FAM216B: variants seen among roughly 807,000 people sequenced by gnomAD.
The protein encoded by FAM216B is protein FAM216B.
In FAM216B, 11 loss-of-function variants were observed where a neutral mutation model predicts 12.9. The observed-to-expected ratio is 0.86, with a 90% CI of 0.54 to 1.42. FAM216B has a LOEUF of 1.42. Among genes scored for constraint, FAM216B ranks in the 40% most tolerant of loss-of-function variants. The pLI is 0.00. For synonymous variants in FAM216B, 52 were observed against 57.2 expected (o/e 0.91, Z 0.41); for missense variants, 167 against 162.9 (o/e 1.02, Z -0.14).
Position 42,789,920 on chromosome 13 carries a change from A to G in FAM216B, c.*1130A>G, listed in dbSNP as rs1156412508. 6.6e-6 allele frequency: 1 copy of G among 152,176 alleles called. No individual in the cohort carries two copies. Among genetic ancestry groups the G allele is most frequent in the Admixed American group, 6.6e-5 (1 of 15,266 alleles). 9.4% of individuals were successfully genotyped at this position (152,176 alleles called of 1,614,324 possible). A position where few individuals can be genotyped will look rare whatever the true frequency, so the allele number is the denominator to read the frequency against. On this transcript the variant is annotated 3_prime_UTR_variant, in exon 4 of 4. Coordinates refer to ENST00000313851, the MANE Select transcript of FAM216B (RefSeq NM_001318932.2). ...CATATAAGATATAAAAATTGTCATG[A>G]GATTCTGAACACTAGTATTGAGGTC...
At chr13:42,787,360 G>T (rs775316480) in intron 3 of FAM216B, among the ~76,000 whole-genome samples, 1 of 152,150 alleles carries the variant, frequency 6.6e-6, no homozygotes, top group African/African-American at 2.4e-5. Flanking sequence ...GGAAGCTCAG[G>T]CAGGTTATGT....
rs189280295 is a variant in FAM216B, at chr13:42,786,608, C to T, written c.100-155C>T. Among the ~76,000 whole-genome samples the T allele has an allele frequency of 6.0e-5, 9 of 150,976 alleles. No individual in the cohort carries two copies. In the East Asian group the frequency reaches 1.8e-3, roughly 30 times the overall value. On this transcript the variant is annotated intron_variant, in intron 2 of 3. Transcript: ENST00000313851. ...AAGCAAATGAAGAGAGGAAACTCCC[C>T]AGTTGTTATTTTCCAATTGTTGCAC...
At chr13:42,787,251 A>G (rs1874128131) in intron 3 of FAM216B, among the ~76,000 whole-genome samples, 1 of 152,230 alleles carries the variant, frequency 6.6e-6, no homozygotes, top group Non-Finnish European at 1.5e-5. Flanking sequence ...CACAACAATA[A>G]TAGTTACATT....
chr13:42,784,305 A>G, intron 2 of FAM216B, 139 bp downstream of exon 2: 2 of 591,982 alleles, frequency 3.4e-6, no homozygotes, highest in Admixed American at 3.3e-5. Flanking sequence ...CCCTTGCTGC[A>G]TGTTGAAGGC....
In FAM216B at chr13:42,784,097, G is replaced by T; in HGVS notation, c.30G>T (p.Lys10Asn). The T allele has an allele frequency of 1.9e-6, 3 of 1,601,400 alleles. No homozygotes were observed. The highest frequency in any genetic ancestry group is 2.6e-6 in the Non-Finnish European group (3 of 1,173,286). The change falls in exon 2 of 4, where the codon AAG becomes AAT. Residue 10 changes from lysine (K) to asparagine (N), a missense_variant. Coordinates refer to ENST00000313851, the MANE Select transcript of FAM216B (RefSeq NM_001318932.2). MGQNWKRQQ[K>N]LWNVPQLPFI... ...GACAAAACTGGAAAAGACAACAAAAGCTTTGGAATGTTCCACAACTTCCTT... is the reference window on the plus strand; with the variant it reads ...GACAAAACTGGAAAAGACAACAAAATCTTTGGAATGTTCCACAACTTCCTT...
chr13:42,788,104 G>A (rs942956955), intron 3 of FAM216B, among the ~76,000 whole-genome samples: 16 of 152,140 alleles, frequency 1.1e-4, no homozygotes, highest in African/African-American at 2.9e-4. Context: ...AATGCTTAGT[G>A]CACATAAAAT....
intron 1 of FAM216B, 56 bp from the exon 2 acceptor site, chr13:42,783,998 C>A: frequency 8.9e-7 from 1 of 1,117,406 alleles, no homozygotes. Context: ...TAAGTACATC[C>A]CCAAAATTGG....
chr13:42,789,824 C>T lies in FAM216B; in HGVS notation c.*1034C>T, dbSNP rs780175245. On this transcript the variant is annotated 3_prime_UTR_variant, in exon 4 of 4. Transcript: ENST00000313851. Reference sequence around the variant, plus strand: ...ATTTTATTGACAAGGGATGTGCTAACATTGATCTGAAAGGAATATGCTGCA... The same window carrying T: ...ATTTTATTGACAAGGGATGTGCTAATATTGATCTGAAAGGAATATGCTGCA... 2.6e-5 allele frequency: 4 copies of T among 152,098 alleles called. No individual in the cohort carries two copies. Among genetic ancestry groups the T allele is most frequent in the Non-Finnish European group, 5.9e-5 (4 of 68,028 alleles). 9.4% of individuals were successfully genotyped at this position (152,098 alleles called of 1,614,324 possible).
intron 1 of FAM216B, among the ~76,000 whole-genome samples, chr13:42,783,033 A>AGC (rs1427722887): frequency 6.6e-6 from 1 of 152,166 alleles, no homozygotes; most frequent in African/African-American, 2.4e-5. Flanking sequence ...AGTGAAGCTC[A>AGC]GCATGGTGCC....
At chr13:42,783,439 A>C (rs1873935544) in intron 1 of FAM216B, among the ~76,000 whole-genome samples, 1 of 148,168 alleles carries the variant, frequency 6.7e-6, no homozygotes, top group Non-Finnish European at 1.5e-5. Context: ...TGAATTCCAG[A>C]TTTTTTTTTT....
At chr13:42,786,982 C>A (rs1874117605) in intron 3 of FAM216B, 99 bp downstream of exon 3, 2 of 1,526,692 alleles carry the variant, frequency 1.3e-6, no homozygotes, top group South Asian at 2.5e-5. Context: ...ACAATGGCAT[C>A]TACTGGCGTG....
chr13:42,788,664 G>A lies in FAM216B; in HGVS notation c.294G>A (p.Lys98=), dbSNP rs1034683095. Residue 98 remains lysine (K), a synonymous_variant, in exon 4 of 4, where the codon AAG becomes AAA. Transcript: ENST00000313851. ...ATTCAACCAAGAGAGCCTCAGCCAA[G>A]GTAGCTCCTCAAAGAACCATTCCCC... ...LRDSTKRASA[K]VAPQRTIPRK... 1.5e-5 allele frequency: 24 copies of A among 1,613,940 alleles called. No individual in the cohort carries two copies. Among genetic ancestry groups the A allele is most frequent in the Non-Finnish European group, 2.0e-5 (24 of 1,179,888 alleles).
intron 2 of FAM216B, among the ~76,000 whole-genome samples, chr13:42,785,222 C>G (rs1290870711): frequency 1.3e-5 from 2 of 152,140 alleles, no homozygotes; most frequent in Non-Finnish European, 2.9e-5. Context: ...AATAATGTCT[C>G]AAATTATGAA....
At chr13:42,784,193 T>TTTTTA in intron 2 of FAM216B, 27 bp downstream of exon 2, 1 of 1,416,754 alleles carries the variant, frequency 7.1e-7, no homozygotes, top group Non-Finnish European at 9.6e-7. Context: ...TTTTTTTTTT[T>TTTTTA]CACAGATAGA....
intron 1 of FAM216B, among the ~76,000 whole-genome samples, chr13:42,783,595 GC>G (rs998671964): frequency 7.2e-5 from 11 of 152,010 alleles, no homozygotes; most frequent in African/African-American, 2.7e-4. Context: ...CAGATTTTGG[GC>G]TTTTAGATTT....
Position 42,791,364 on chromosome 13 carries a change from C to T in FAM216B, c.*2574C>T, listed in dbSNP as rs1421185073. The T allele has an allele frequency of 6.6e-6, 1 of 151,972 alleles. No homozygotes were observed. Among genetic ancestry groups the T allele is most frequent in the Non-Finnish European group, 1.5e-5 (1 of 67,990 alleles). 9.4% of individuals were successfully genotyped at this position (151,972 alleles called of 1,614,324 possible). A position where few individuals can be genotyped will look rare whatever the true frequency, so the allele number is the denominator to read the frequency against. ...TGGTGTCAGCTCATGTGTCTCCAGC[C>T]CCTGTAGTACTATATATTATTGCAT... On this transcript the variant is annotated 3_prime_UTR_variant, in exon 4 of 4. Coordinates refer to ENST00000313851, the MANE Select transcript of FAM216B (RefSeq NM_001318932.2).
At position 42,789,828 on chromosome 13, in the gene FAM216B, G is replaced by A. The variant is rs1237846785; in HGVS notation, c.*1038G>A. The stretch of plus-strand genomic sequence containing the variant: ...TATTGACAAGGGATGTGCTAACATT[G>A]ATCTGAAAGGAATATGCTGCATTAT... On this transcript the variant is annotated 3_prime_UTR_variant, in exon 4 of 4. Transcript: ENST00000313851. The A allele has an allele frequency of 6.6e-6, 1 of 152,078 alleles. No individual in the cohort carries two copies. Among genetic ancestry groups the A allele is most frequent in the African/African-American group, 2.4e-5 (1 of 41,400 alleles). The allele number at this position is 152,078 out of a possible 1,614,324, so 9.4% of individuals were successfully genotyped here. A position where few individuals can be genotyped will look rare whatever the true frequency, so the allele number is the denominator to read the frequency against.
intron 2 of FAM216B, 27 bp downstream of exon 2, chr13:42,784,193 T>TTTTTTTC: frequency 2.1e-6 from 3 of 1,416,750 alleles, no homozygotes; most frequent in Non-Finnish European, 2.9e-6. Context: ...TTTTTTTTTT[T>TTTTTTTC]CACAGATAGA....
chr13:42,786,165 G>T (rs926206958), intron 2 of FAM216B, among the ~76,000 whole-genome samples: 1 of 152,142 alleles, frequency 6.6e-6, no homozygotes, highest in Non-Finnish European at 1.5e-5. Flanking sequence ...AGAATTTCTA[G>T]CAGGTTTCCA....
Sources: allele counts gnomAD v4.1 joint callset (sites outside exome capture counted in the v4.1 genomes callset), GRCh38; gene constraint gnomAD v4.1.1; transcripts MANE v1.5; gene names NCBI Gene and HGNC (gene_info 2026-07-23, HGNC 2026-07-21).